Variants in COL6A5 observed in about 807,000 individuals in gnomAD.
The protein encoded by COL6A5 is collagen alpha-5(VI) chain.
A neutral mutation model predicts 65.6 loss-of-function variants in COL6A5; 48 were observed. That is an observed-to-expected ratio of 0.73 (90% CI 0.58 to 0.93). The LOEUF is 0.93. Ranked by LOEUF, COL6A5 falls within the 40% of genes least tolerant of loss-of-function variation. COL6A5 has a pLI of 0.00. For synonymous variants in COL6A5, 291 were observed against 322.8 expected, an observed-to-expected ratio of 0.90 and a Z score of 1.05; for missense variants, 914 against 928.3, an observed-to-expected ratio of 0.98 and a Z score of 0.20.
exon 16 of COL6A5, chr3:130,406,159 G>A: frequency 6.4e-7 from 1 of 1,550,568 alleles, no homozygotes; most frequent in Non-Finnish European, 8.7e-7. Context: ...GGGATTGATG[G>A]ACTTGATGGG....
intron 1 of COL6A5, among the ~76,000 whole-genome samples, chr3:130,348,102 A>G (rs1347096307): frequency 6.6e-6 from 1 of 152,086 alleles, no homozygotes; most frequent in East Asian, 1.9e-4. Context: ...CCAAGGAACC[A>G]TTCTTTTTTA....
chr3:130,364,109 G>A (rs141575894), intron 1 of COL6A5, among the ~76,000 whole-genome samples: 1 of 152,282 alleles, frequency 6.6e-6, no homozygotes, highest in African/African-American at 2.4e-5. Context: ...ATTAATCGTT[G>A]CACTGGGACC....
At chr3:130,438,044 G>A (rs1466756054) in intron 1 of COL6A5, among the ~76,000 whole-genome samples, 1 of 152,086 alleles carries the variant, frequency 6.6e-6, no homozygotes, top group Non-Finnish European at 1.5e-5. Flanking sequence ...TGTCACCCCG[G>A]TTGGAGTGCA....
intron 5 of COL6A5, among the ~76,000 whole-genome samples, chr3:130,461,967 A>G (rs1709712284): frequency 6.6e-6 from 1 of 151,998 alleles, no homozygotes; most frequent in Admixed American, 6.6e-5. Flanking sequence ...GCTCACTTTT[A>G]TCATCTAAAT....
chr3:130,404,789 C>A (rs1166168087), intron 13 of COL6A5, among the ~76,000 whole-genome samples: 1 of 152,156 alleles, frequency 6.6e-6, no homozygotes, highest in Non-Finnish European at 1.5e-5. Flanking sequence ...ATCCTTTCTC[C>A]CTCTCTTACT....
chr3:130,474,310 G>A (rs774687769), intron 7 of COL6A5, among the ~76,000 whole-genome samples: 17 of 152,100 alleles, frequency 1.1e-4, no homozygotes, highest in Non-Finnish European at 2.4e-4. Flanking sequence ...TGCTGAACCT[G>A]AGATGATTGC....
upstream of COL6A5, among the ~76,000 whole-genome samples, chr3:130,428,412 G>T (rs1211441687): frequency 6.6e-6 from 1 of 152,130 alleles, no homozygotes; most frequent in African/African-American, 2.4e-5. Flanking sequence ...AAAAGAAGGT[G>T]TCTAGAAGGC....
At chr3:130,458,080 C>G (rs1189856103) in intron 5 of COL6A5, among the ~76,000 whole-genome samples, 1 of 152,068 alleles carries the variant, frequency 6.6e-6, no homozygotes, top group Non-Finnish European at 1.5e-5. Context: ...GTGTATCACC[C>G]TCTTTCAAAA....
At chr3:130,399,370 CTT>C (rs34407199) in intron 10 of COL6A5, among the ~76,000 whole-genome samples, 20 of 130,380 alleles carry the variant, frequency 1.5e-4, no homozygotes, top group Non-Finnish European at 1.6e-4. Flanking sequence ...TCATTTCTTT[CTT>C]TTTTTTTTTT....
intron 6 of COL6A5, among the ~76,000 whole-genome samples, chr3:130,390,697 C>G (rs1395399493): frequency 6.6e-6 from 1 of 152,054 alleles, no homozygotes; most frequent in Non-Finnish European, 1.5e-5. Flanking sequence ...GTTTGCATAC[C>G]CGAGGGTCCA....
rs1709874403 is a variant in COL6A5, at chr3:130,468,681, G to A, written c.1545-114G>A. 1.0e-5 allele frequency: 7 copies of A among 698,708 alleles called. No homozygotes were observed. The Admixed American group carries it at 2.0e-4, about 20-fold the overall frequency. 43.3% of individuals were successfully genotyped at this position (698,708 alleles called of 1,614,324 possible). A position where few individuals can be genotyped will look rare whatever the true frequency, so the allele number is the denominator to read the frequency against. The stretch of plus-strand genomic sequence containing the variant: ...CAATGTGATTATTGATGTCTGCCAT[G>A]AGTATGGAAATGCAGCATGGTAATA... On this transcript the variant is annotated intron_variant, in intron 5 of 7. Transcript: ENST00000512836.
chr3:130,421,913 A>G (rs1937525845), intron 27 of COL6A5, among the ~76,000 whole-genome samples: 1 of 152,102 alleles, frequency 6.6e-6, no homozygotes, highest in African/African-American at 2.4e-5. Context: ...GAACAGACAT[A>G]CCTTTCATCT....
chr3:130,395,605 GA>G (rs2107657711), intron 8 of COL6A5, 140 bp downstream of exon 8: 1 of 736,684 alleles, frequency 1.4e-6, no homozygotes, highest in East Asian at 2.7e-5. Context: ...TGTGCAATGA[GA>G]AGAGACTTCT....
chr3:130,364,575 C>A (rs1055262530), intron 1 of COL6A5, among the ~76,000 whole-genome samples: 3 of 152,168 alleles, frequency 2.0e-5, no homozygotes, highest in Non-Finnish European at 4.4e-5. Flanking sequence ...TAGACAGAGG[C>A]TGCAGTAGTC....
At chr3:130,422,753 C>A in exon 28 of COL6A5, 1 of 1,525,160 alleles carries the variant, frequency 6.6e-7, no homozygotes. Flanking sequence ...TCCTGGGGGA[C>A]CTGGACCCAA....
chr3:130,433,462 A>G (rs1465804864), intron 1 of COL6A5, among the ~76,000 whole-genome samples: 1 of 152,168 alleles, frequency 6.6e-6, no homozygotes, highest in East Asian at 1.9e-4. Context: ...TCTGGTTCTC[A>G]TCACTCTGCT....
Position 130,470,853 on chromosome 3 carries a change from A to G in COL6A5, c.2232-18A>G, listed in dbSNP as rs187295782. 596 of 1,584,978 alleles carry G rather than the reference A, an allele frequency of 3.8e-4. 8 individuals carry two copies. In the East Asian group the frequency reaches 8.0e-3, roughly 21 times the overall value. ...TAGGTGGGTAAAATTTAGACTAACC[A>G]GCCCACTCTCTCTCCAGGTGCCATC... On this transcript the variant is annotated intron_variant, in intron 6 of 7. Transcript: ENST00000512836.
At chr3:130,442,242 A>C (rs1709200534) in intron 3 of COL6A5, among the ~76,000 whole-genome samples, 1 of 152,168 alleles carries the variant, frequency 6.6e-6, no homozygotes, top group Non-Finnish European at 1.5e-5. Context: ...TATAGTAAAT[A>C]TATCACTCCT....
At chr3:130,471,088 G>A in intron 7 of COL6A5, 121 bp downstream of exon 39, 1 of 694,048 alleles carries the variant, frequency 1.4e-6, no homozygotes. Context: ...GTGTGTGTGT[G>A]TGTGTGTGTG....
Sources: gnomAD v4.1 joint callset for allele counts (sites outside exome capture counted in the v4.1 genomes callset) on GRCh38, gnomAD v4.1.1 for gene constraint, MANE v1.5 for transcripts, NCBI Gene and HGNC (gene_info 2026-07-23, HGNC 2026-07-21) for gene names.